PRTG: variants seen among roughly 807,000 people sequenced by gnomAD.
PRTG encodes immunoglobulin superfamily, DCC subclass, member 5.
A neutral mutation model predicts 122.5 loss-of-function variants in PRTG; 67 were observed. The ratio of observed to expected loss-of-function variants is 0.55; its 90% confidence interval spans 0.45 to 0.67. PRTG has a LOEUF of 0.67. Ranked by LOEUF, PRTG falls within the 30% of genes least tolerant of loss-of-function variation. The probability of loss-of-function intolerance (pLI) is 0.00; values close to 1 mark genes in which losing one functional copy is unlikely to be tolerated. For synonymous variants in PRTG, 554 were observed against 501.1 expected (o/e 1.11, Z -1.41); for missense variants, 1,435 against 1,415.4 (o/e 1.01, Z -0.22).
At chr15:55,704,424 G>A (rs564385910) in intron 2 of PRTG, among the ~76,000 whole-genome samples, 1 of 152,196 alleles carries the variant, frequency 6.6e-6, no homozygotes, top group Non-Finnish European at 1.5e-5. Context: ...TTTCTACTAG[G>A]ATTACTTTTG....
chr15:55,737,477 A>G (rs1200944518), intron 2 of PRTG, among the ~76,000 whole-genome samples: 1 of 152,170 alleles, frequency 6.6e-6, no homozygotes, highest in Non-Finnish European at 1.5e-5. Flanking sequence ...TTGGGAGATA[A>G]GGCTCCATAG....
At chr15:55,729,561 G>C (rs1369452193) in intron 2 of PRTG, among the ~76,000 whole-genome samples, 2 of 151,906 alleles carry the variant, frequency 1.3e-5, no homozygotes, top group Non-Finnish European at 2.9e-5. Context: ...TTCCAGACCA[G>C]CCTGGGCATA....
chr15:55,620,609 C>A (rs1312592547), intron 19 of PRTG, 54 bp downstream of exon 19: 137 of 1,535,772 alleles, frequency 8.9e-5, no homozygotes, highest in Non-Finnish European at 1.2e-4. Flanking sequence ...CTTTTTAAAT[C>A]ATCATTTCAT....
intron 11 of PRTG, among the ~76,000 whole-genome samples, chr15:55,664,771 G>C (rs2059429308): frequency 1.3e-5 from 2 of 151,578 alleles, no homozygotes; most frequent in African/African-American, 4.8e-5. Flanking sequence ...ATTTTTTGTA[G>C]AGATGGAGTC....
At chr15:55,671,255 T>C (rs2059469555) in intron 11 of PRTG, among the ~76,000 whole-genome samples, 1 of 152,136 alleles carries the variant, frequency 6.6e-6, no homozygotes, top group South Asian at 2.1e-4. Context: ...GCTGAGCCTT[T>C]TACCTCCCCT....
At chr15:55,682,050 G>C (rs1376073229) in intron 4 of PRTG, among the ~76,000 whole-genome samples, 1 of 152,074 alleles carries the variant, frequency 6.6e-6, no homozygotes, top group Non-Finnish European at 1.5e-5. Flanking sequence ...GTGTGCATAG[G>C]TGAATGAAAA....
intron 2 of PRTG, among the ~76,000 whole-genome samples, chr15:55,731,187 T>G (rs2031217850): frequency 6.6e-6 from 1 of 152,012 alleles, no homozygotes; most frequent in Non-Finnish European, 1.5e-5. Flanking sequence ...AGGGAAAAAC[T>G]TCTAATTGTT....
chr15:55,679,021 G>C (rs1204857399), intron 7 of PRTG, among the ~76,000 whole-genome samples: 1 of 152,150 alleles, frequency 6.6e-6, no homozygotes, highest in African/African-American at 2.4e-5. Context: ...AATAGCACTA[G>C]AACCCTGGAG....
chr15:55,719,286 A>C (rs1335319424), intron 2 of PRTG, among the ~76,000 whole-genome samples: 5 of 152,250 alleles, frequency 3.3e-5, no homozygotes, highest in African/African-American at 1.2e-4. Context: ...ATATCATGTC[A>C]ACATACTGGC....
chr15:55,739,434 T>C (rs1039683223), intron 2 of PRTG, among the ~76,000 whole-genome samples: 40 of 152,182 alleles, frequency 2.6e-4, no homozygotes, highest in African/African-American at 8.9e-4. Context: ...CATCTACCTA[T>C]TGCTCAACTT....
chr15:55,689,579 T>C (rs2059588870), intron 2 of PRTG, among the ~76,000 whole-genome samples: 1 of 150,736 alleles, frequency 6.6e-6, no homozygotes, highest in Non-Finnish European at 1.5e-5. Flanking sequence ...TAGGCACATG[T>C]ATACCTATGT....
At chr15:55,653,807 G>C (rs1205526188) in intron 11 of PRTG, among the ~76,000 whole-genome samples, 1 of 152,180 alleles carries the variant, frequency 6.6e-6, no homozygotes, top group Admixed American at 6.5e-5. Context: ...GACTGGGATT[G>C]TTTTGTAAAC....
intron 2 of PRTG, among the ~76,000 whole-genome samples, chr15:55,687,741 C>T (rs957867040): frequency 1.3e-5 from 2 of 152,126 alleles, no homozygotes; most frequent in African/African-American, 4.8e-5. Flanking sequence ...CTCACAAACA[C>T]CTTTATATTT....
intron 11 of PRTG, among the ~76,000 whole-genome samples, chr15:55,642,107 G>A (rs1455676454): frequency 6.8e-6 from 1 of 146,388 alleles, no homozygotes; most frequent in Non-Finnish European, 1.5e-5. Flanking sequence ...CCGGGAAGCG[G>A]AGCTTGCAGT....
chr15:55,671,970 G>A (rs146193332), intron 11 of PRTG, among the ~76,000 whole-genome samples: 3 of 152,258 alleles, frequency 2.0e-5, no homozygotes, highest in East Asian at 3.9e-4. Context: ...CTGGGTTAGA[G>A]CTACATAAAT....
chr15:55,638,472 A>G, intron 14 of PRTG, 77 bp downstream of exon 14: 1 of 1,170,964 alleles, frequency 8.5e-7, no homozygotes. Flanking sequence ...TATCCTACAC[A>G]GAATGACATA....
intron 2 of PRTG, among the ~76,000 whole-genome samples, chr15:55,701,022 T>C (rs1372006951): frequency 6.6e-6 from 1 of 152,188 alleles, no homozygotes; most frequent in Non-Finnish European, 1.5e-5. Flanking sequence ...CACAAAAGTA[T>C]ATCCTACCTC....
At chr15:55,721,521 C>A (rs1224136999) in intron 2 of PRTG, among the ~76,000 whole-genome samples, 3 of 152,204 alleles carry the variant, frequency 2.0e-5, no homozygotes, top group Non-Finnish European at 2.9e-5. Flanking sequence ...TCCATACGTA[C>A]CGTGTTGTTT....
intron 18 of PRTG, among the ~76,000 whole-genome samples, chr15:55,622,921 T>C (rs1171042016): frequency 6.6e-6 from 1 of 152,192 alleles, no homozygotes; most frequent in Non-Finnish European, 1.5e-5. Flanking sequence ...GCTTAATTTG[T>C]ATTGAAAAGT....
Sources: gnomAD v4.1 joint callset for allele counts (sites outside exome capture counted in the v4.1 genomes callset) on GRCh38, gnomAD v4.1.1 for gene constraint, MANE v1.5 for transcripts, NCBI Gene and HGNC (gene_info 2026-07-23, HGNC 2026-07-21) for gene names.